Variants in ZNF527 observed in about 807,000 individuals in gnomAD.
ZNF527 encodes zinc finger protein 527.
In ZNF527, 5 loss-of-function variants were observed where a neutral mutation model predicts 13.5. The observed-to-expected ratio is 0.37, with a 90% CI of 0.19 to 0.78. ZNF527 has a LOEUF of 0.78. Ranked by LOEUF, ZNF527 falls within the 30% of genes least tolerant of loss-of-function variation. The pLI is 0.48. For missense variants in ZNF527, 628 were observed against 726.4 expected (o/e 0.86, Z 1.56); for synonymous variants, 209 against 243.1 (o/e 0.86, Z 1.30).
intron 3 of ZNF527, chr19:37,379,940 ACT>A: frequency 5.4e-6 from 1 of 184,732 alleles, no homozygotes. Context: ...GTTTTAATAA[ACT>A]CTCCAAATGA....
chr19:37,392,203 A>G lies in ZNF527; in HGVS notation c.*2324A>G, dbSNP rs1600275600. On this transcript the variant is annotated 3_prime_UTR_variant, in exon 5 of 5. Coordinates refer to ENST00000436120, the MANE Select transcript of ZNF527 (RefSeq NM_032453.2). Reference sequence around the variant, plus strand: ...TAATATTATAAGCTTAATTCATGTCATCATTTCTTTATTTTTTATTATATT... The same window carrying G: ...TAATATTATAAGCTTAATTCATGTCGTCATTTCTTTATTTTTTATTATATT... The G allele has an allele frequency of 6.6e-6, 1 of 152,150 alleles. No individual in the cohort carries two copies. The highest frequency in any genetic ancestry group is 2.4e-5 in the African/African-American group (1 of 41,512). 9.4% of individuals were successfully genotyped at this position (152,150 alleles called of 1,614,324 possible).
chr19:37,373,538 C>G (rs2040575854), intron 1 of ZNF527, among the ~76,000 whole-genome samples: 1 of 152,076 alleles, frequency 6.6e-6, no homozygotes, highest in African/African-American at 2.4e-5. Flanking sequence ...TTGGATCTTA[C>G]AATCTTGCAT....
At position 37,382,832 on chromosome 19, in the gene ZNF527, G is replaced by A. The variant is rs150754336; in HGVS notation, c.256+2460G>A. Among the ~76,000 whole-genome samples, 1,011 of 152,016 alleles carry A rather than the reference G, an allele frequency of 6.7e-3. 4 individuals carry two copies. The highest frequency in any genetic ancestry group is 0.011 in the Non-Finnish European group (760 of 67,956). ...AGTGATTCTCCTGCCTCAGCCTCCC[G>A]GGTAGCTGTGACTACAGGCGCATGC... On this transcript the variant is annotated intron_variant, in intron 4 of 4. Transcript: ENST00000436120.
intron 2 of ZNF527, among the ~76,000 whole-genome samples, chr19:37,375,298 C>CTTTCTTTCTTTCTTTCTTTCT (rs1555826965): frequency 5.8e-5 from 6 of 103,740 alleles, no homozygotes; most frequent in Non-Finnish European, 1.1e-4. Flanking sequence ...TTCTTTCTTT[C>CTTTCTTTCTTTCTTTCTTTCT]TTTCTTTCTT....
rs2040739643 is a variant in ZNF527 at position 37,390,042 on chromosome 19, T to G, written c.*163T>G. ...GTAGTAGACATCTGTTACTTTTTTT[T>G]TTTTCAGACAGAGTCTCGCTCTGTT... is the stretch of plus-strand genomic sequence containing the variant. On this transcript the variant is annotated 3_prime_UTR_variant, in exon 5 of 5. Coordinates refer to ENST00000436120, the MANE Select transcript of ZNF527 (RefSeq NM_032453.2). 1 of 918,764 alleles carries G rather than the reference T, an allele frequency of 1.1e-6. No individual in the cohort carries two copies. Among genetic ancestry groups the G allele is most frequent in the Admixed American group, 3.2e-5 (1 of 31,326 alleles). The allele number at this position is 918,764 out of a possible 1,614,324, so 56.9% of individuals were successfully genotyped here. A position where few individuals can be genotyped will look rare whatever the true frequency, so the allele number is the denominator to read the frequency against.
chr19:37,379,360 C>T, intron 3 of ZNF527, 114 bp downstream of exon 3: 1 of 990,674 alleles, frequency 1.0e-6, no homozygotes, highest in Non-Finnish European at 1.4e-6. Flanking sequence ...ACTTGCCTTT[C>T]TACTTCCTGT....
chr19:37,389,419 T>A lies in ZNF527; in HGVS notation c.1370T>A (p.Leu457Gln). 6.2e-7 allele frequency: 1 copy of A among 1,614,112 alleles called. No individual in the cohort carries two copies. Among genetic ancestry groups the A allele is most frequent in the Non-Finnish European group, 8.5e-7 (1 of 1,180,026 alleles). Residue 457 changes from leucine to glutamine, a missense_variant, in exon 5 of 5, where the codon CTG (leucine) becomes CAG (glutamine). Physicochemically the swap from Leu to Gln is moderately radical, Grantham distance 113 (BLOSUM62 -2). Around this residue, in one of 3 missense-constraint regions of ZNF527, gnomAD observed 592 missense variants for 678.0 expected, o/e 0.87. Transcript: ENST00000436120. ...CGKTFGYRSH[L>Q]NQHQRIHTGE... ...AAGACCTTTGGCTATCGCTCACACC[T>A]GAATCAACATCAGAGAATTCATACC...
chr19:37,387,050 G>A (rs1403015626), intron 4 of ZNF527, among the ~76,000 whole-genome samples: 2 of 152,182 alleles, frequency 1.3e-5, no homozygotes, highest in African/African-American at 2.4e-5. Context: ...GGTGAAGGGT[G>A]TATTGGAAAG....
chr19:37,385,070 C>T (rs2040687308), intron 4 of ZNF527: 2 of 548,248 alleles, frequency 3.6e-6, no homozygotes, highest in Middle Eastern at 5.3e-4. Context: ...AAGCGATCCT[C>T]CCATCTTGGC....
intron 4 of ZNF527, among the ~76,000 whole-genome samples, chr19:37,384,338 A>C (rs1751039503): frequency 6.6e-6 from 1 of 152,000 alleles, no homozygotes; most frequent in Admixed American, 6.6e-5. Flanking sequence ...TAAAAAGTAA[A>C]AATAAATAAA....
Position 37,389,359 on chromosome 19 carries a change from C to T in ZNF527, c.1310C>T (p.Thr437Ile). Residue 437 changes from threonine to isoleucine, a missense_variant, in exon 5 of 5, where the codon ACA becomes ATA. Around this residue, in one of 3 missense-constraint regions of ZNF527, gnomAD observed 592 missense variants for 678.0 expected, o/e 0.87. Coordinates refer to ENST00000436120, the MANE Select transcript of ZNF527 (RefSeq NM_032453.2). ...CTTACTCTACATCAAAGAATTCACACAGGAGAGAAACCCTTCAAATGTAGT... is the reference window on the plus strand; with the variant it reads ...CTTACTCTACATCAAAGAATTCACATAGGAGAGAAACCCTTCAAATGTAGT... ...IALTLHQRIH[T>I]GEKPFKCSEC... 5 of 1,614,192 alleles carry T rather than the reference C, an allele frequency of 3.1e-6. No individual in the cohort carries two copies. Among genetic ancestry groups the T allele is most frequent in the Non-Finnish European group, 4.2e-6 (5 of 1,180,034 alleles).
intron 3 of ZNF527, 59 bp downstream of exon 3, chr19:37,379,305 C>T: frequency 7.2e-6 from 11 of 1,521,006 alleles, no homozygotes; most frequent in Non-Finnish European, 8.8e-6. Context: ...TTTGCTTCCT[C>T]TGTTGAGAAT....
intron 4 of ZNF527, among the ~76,000 whole-genome samples, chr19:37,387,480 A>C (rs377037445): frequency 1.3e-5 from 2 of 152,234 alleles, no homozygotes; most frequent in African/African-American, 4.8e-5. Flanking sequence ...ACCTTGTGTC[A>C]GGCTTTCCCC....
At chr19:37,382,451 T>C (rs747111879) in intron 4 of ZNF527, among the ~76,000 whole-genome samples, 19 of 152,214 alleles carry the variant, frequency 1.2e-4, no homozygotes, top group Non-Finnish European at 2.8e-4. Context: ...AGTCCTGCTT[T>C]ACAGGGTTTA....
intron 4 of ZNF527, chr19:37,385,162 G>A (rs1288958112): frequency 4.4e-6 from 2 of 453,492 alleles, no homozygotes; most frequent in Non-Finnish European, 7.8e-6. Flanking sequence ...ATTTGTAGTA[G>A]AACTAAATTC....
intron 2 of ZNF527, 32 bp from the exon 3 acceptor site, chr19:37,379,088 G>A: frequency 6.2e-7 from 1 of 1,613,808 alleles, no homozygotes; most frequent in Non-Finnish European, 8.5e-7. Flanking sequence ...AGGTGTCTGG[G>A]CACCTGGTGA....
chr19:37,390,632 A>C lies in ZNF527; in HGVS notation c.*753A>C, dbSNP rs1320257821. 6.6e-6 allele frequency: 1 copy of C among 152,208 alleles called. No individual in the cohort carries two copies. The highest frequency in any genetic ancestry group is 2.4e-5 in the African/African-American group (1 of 41,448). The allele number at this position is 152,208 out of a possible 1,614,324, so 9.4% of individuals were successfully genotyped here. A position where few individuals can be genotyped will look rare whatever the true frequency, so the allele number is the denominator to read the frequency against. On this transcript the variant is annotated 3_prime_UTR_variant, in exon 5 of 5. Transcript: ENST00000436120. ...ATGAGGAAAGCTTTCCCAAAGAGAAATCTAACAGAGGAAAATGGAGATGAG... is the reference window on the plus strand; with the variant it reads ...ATGAGGAAAGCTTTCCCAAAGAGAACTCTAACAGAGGAAAATGGAGATGAG...
chr19:37,380,199 AGACAGCTGT>A (rs1314964350), intron 3 of ZNF527, 69 bp from the exon 4 acceptor site: 4 of 1,581,492 alleles, frequency 2.5e-6, no homozygotes, highest in Non-Finnish European at 3.4e-6. Flanking sequence ...TCTGCGTCCT[AGACAGCTGT>A]GGCATGTTGA....
intron 2 of ZNF527, 79 bp downstream of exon 2, chr19:37,374,310 A>G (rs2040582472): frequency 4.4e-6 from 6 of 1,362,254 alleles, no homozygotes; most frequent in Non-Finnish European, 6.3e-6. Flanking sequence ...AAAATCACAA[A>G]TAGCCCAATG....
Sources: gnomAD v4.1 joint callset for allele counts (sites outside exome capture counted in the v4.1 genomes callset) on GRCh38, gnomAD v4.1.1 for gene constraint, gnomAD v4.1.1 regional missense constraint, MANE v1.5 for transcripts, NCBI Gene and HGNC (gene_info 2026-07-23, HGNC 2026-07-21) for gene names.